The following ILDR1 variants were observed in gnomAD, a reference collection of about 807,000 sequenced individuals.
ILDR1 encodes the protein immunoglobulin-like domain-containing receptor 1.
A neutral mutation model predicts 62.4 loss-of-function variants in ILDR1; 56 were observed. The ratio of observed to expected loss-of-function variants is 0.90; its 90% CI spans 0.72 to 1.12. ILDR1 has a LOEUF of 1.12. ILDR1 is among the 50% of genes most tolerant of loss of function. ILDR1 has a pLI of 0.00. For missense variants in ILDR1, 736 were observed against 710.6 expected (o/e 1.04, Z -0.41); for synonymous variants, 284 against 277.8 (o/e 1.02, Z -0.22).
At chr3:122,022,894 C>T (rs2071883180), upstream of ILDR1, among the ~76,000 whole-genome samples, 2 of 150,846 alleles carry the variant, frequency 1.3e-5, no homozygotes, top group Admixed American at 1.3e-4. Flanking sequence ...GCCTGGGCGA[C>T]AGAGCGAAAC....
At chr3:122,032,205 A>T in the ILDR1 span, among the ~76,000 whole-genome samples, 1 of 152,124 alleles carries the variant, frequency 6.6e-6, no homozygotes, top group East Asian at 1.9e-4. Flanking sequence ...TCCTTTTAAC[A>T]TTTATATAAA....
the ILDR1 span, among the ~76,000 whole-genome samples, chr3:122,029,513 T>A: frequency 0.5 from 59,794 of 119,882 alleles, 13,025 homozygotes; most frequent in East Asian, 0.78. Flanking sequence ...CTAAAAAAAA[T>A]ATATATATAT....
chr3:122,013,774 G>T (rs576126356), intron 1 of ILDR1, among the ~76,000 whole-genome samples: 1 of 152,014 alleles, frequency 6.6e-6, no homozygotes, highest in Non-Finnish European at 1.5e-5. Context: ...GGTGGGGAGC[G>T]GAATGATGTC....
upstream of ILDR1, among the ~76,000 whole-genome samples, chr3:122,024,172 G>T (rs919138998): frequency 1.3e-5 from 2 of 152,088 alleles, no homozygotes; most frequent in Admixed American, 1.3e-4. Context: ...GTCAATTCAA[G>T]AAATGCTGGA....
At chr3:122,050,485 C>T in the ILDR1 span, among the ~76,000 whole-genome samples, 1 of 151,668 alleles carries the variant, frequency 6.6e-6, no homozygotes, top group African/African-American at 2.4e-5. Context: ...ATAGATATAA[C>T]TATCTTTTTA....
rs112291354 is a variant in ILDR1, at chr3:122,001,007, A to G, written c.646+301T>C. Among the ~76,000 whole-genome samples, 782 of 152,342 alleles carry G rather than the reference A, an allele frequency of 5.1e-3. 7 individuals carry two copies. The highest frequency in any genetic ancestry group is 0.018 in the African/African-American group (734 of 41,568). ...CTTATGTCTAAATGAGGTCAGTGCTAGGAATGAAGATCGAAGCACAGGTAC... is the reference window on the plus strand; with the variant it reads ...CTTATGTCTAAATGAGGTCAGTGCTGGGAATGAAGATCGAAGCACAGGTAC... On this transcript the variant is annotated intron_variant, in intron 5 of 7. Coordinates refer to ENST00000344209, the MANE Select transcript of ILDR1 (RefSeq NM_001199799.2).
intron 1 of ILDR1, among the ~76,000 whole-genome samples, chr3:122,018,044 A>G (rs1429063302): frequency 6.6e-6 from 1 of 152,252 alleles, no homozygotes; most frequent in Non-Finnish European, 1.5e-5. Flanking sequence ...ACTACTGGGC[A>G]TATATCCAAA....
intron 5 of ILDR1, among the ~76,000 whole-genome samples, chr3:121,998,348 C>T (rs564629168): frequency 6.6e-6 from 1 of 152,208 alleles, no homozygotes; most frequent in Non-Finnish European, 1.5e-5. Context: ...AACAATAACT[C>T]CTTACTCCTC....
In ILDR1 at chr3:121,993,293, C is replaced by T; in HGVS notation, c.1456G>A (p.Glu486Lys). The change falls in exon 7 of 8, where the codon GAG becomes AAG. Residue 486 changes from glutamate to lysine, a missense_variant. Glu to Lys is a moderately conservative substitution (Grantham distance 56, BLOSUM62 1). Coordinates refer to ENST00000344209, the MANE Select transcript of ILDR1 (RefSeq NM_001199799.2). The stretch of plus-strand genomic sequence containing the variant: ...GCCCGCCAGCTCTGGGGCTGCCTCT[C>T]CTTGTCCTCTTCAGAGCTCCAGGAA... ...LSSWSSEEDK[E>K]RQPQSWRAHR... 3 of 1,613,502 alleles carry T rather than the reference C, an allele frequency of 1.9e-6. No individual in the cohort carries two copies. Among genetic ancestry groups the T allele is most frequent in the Non-Finnish European group, 2.5e-6 (3 of 1,179,678 alleles).
chr3:122,007,028 G>T lies in ILDR1; in HGVS notation c.192C>A (p.Ser64=). ...QDVVVTWRFK[S]FCKDPIFDYY... is the part of the protein sequence containing the mutation. The stretch of plus-strand genomic sequence containing the variant: ...AGTCAAAGATAGGGTCCTTGCAGAA[G>T]GACTTGAAGCGCCATGTCACCACCA... Residue 64 remains serine, a synonymous_variant, in exon 2 of 8, where the codon TCC becomes TCA. Transcript: ENST00000344209. The T allele has an allele frequency of 6.2e-7, 1 of 1,613,618 alleles. No homozygotes were observed. The highest frequency in any genetic ancestry group is 8.5e-7 in the Non-Finnish European group (1 of 1,180,018).
the ILDR1 span, among the ~76,000 whole-genome samples, chr3:122,048,183 C>T: frequency 6.6e-6 from 1 of 151,960 alleles, no homozygotes; most frequent in Non-Finnish European, 1.5e-5. Flanking sequence ...TAAATTTTAC[C>T]AAGTATTTTT....
chr3:122,018,502 T>C (rs1281347536), intron 1 of ILDR1, among the ~76,000 whole-genome samples: 2 of 151,942 alleles, frequency 1.3e-5, no homozygotes, highest in Non-Finnish European at 2.9e-5. Context: ...GTAACAAAAG[T>C]GCACGTTCTG....
At chr3:122,010,247 T>C (rs963254720) in intron 1 of ILDR1, among the ~76,000 whole-genome samples, 1 of 151,952 alleles carries the variant, frequency 6.6e-6, no homozygotes, top group Non-Finnish European at 1.5e-5. Flanking sequence ...GCGGGGCTGG[T>C]GGTGGTGAGT....
Position 122,001,290 on chromosome 3 carries a change from T to G in ILDR1, c.646+18A>C. 6.2e-7 allele frequency: 1 copy of G among 1,614,080 alleles called. No homozygotes were observed. Among genetic ancestry groups the G allele is most frequent in the Non-Finnish European group, 8.5e-7 (1 of 1,179,996 alleles). On this transcript the variant is annotated intron_variant, in intron 5 of 7. Coordinates refer to ENST00000344209, the MANE Select transcript of ILDR1 (RefSeq NM_001199799.2). ...TCCCTAATCCACTCCATTCCACTGC[T>G]TGTCTGTCCCCTCTCACCTTCCTCA...
intron 1 of ILDR1, among the ~76,000 whole-genome samples, chr3:122,011,563 G>A (rs1053718076): frequency 1.3e-5 from 2 of 151,414 alleles, no homozygotes; most frequent in Admixed American, 6.6e-5. Context: ...TGGCCATCTT[G>A]AGCTCATTCA....
At chr3:122,055,849 C>T in the ILDR1 span, among the ~76,000 whole-genome samples, 5 of 151,602 alleles carry the variant, frequency 3.3e-5, no homozygotes, top group African/African-American at 9.7e-5. Context: ...TTTTGTCTAC[C>T]AGGGTCAGTT....
At chr3:122,048,938 T>C in the ILDR1 span, among the ~76,000 whole-genome samples, 1 of 152,188 alleles carries the variant, frequency 6.6e-6, no homozygotes, top group South Asian at 2.1e-4. Flanking sequence ...TACGCTTTAA[T>C]CATTATTTCC....
chr3:121,996,982 C>T (rs1027202994), intron 5 of ILDR1, among the ~76,000 whole-genome samples: 1 of 152,162 alleles, frequency 6.6e-6, no homozygotes, highest in Non-Finnish European at 1.5e-5. Context: ...CTCACTGCAA[C>T]CTTCGCCTCT....
the ILDR1 span, among the ~76,000 whole-genome samples, chr3:122,058,662 G>A: frequency 6.6e-6 from 1 of 152,128 alleles, no homozygotes; most frequent in Non-Finnish European, 1.5e-5. Flanking sequence ...GCCAGAACAA[G>A]GAGCCCACAG....
Sources: gnomAD v4.1 joint callset for allele counts (sites outside exome capture counted in the v4.1 genomes callset) on GRCh38, gnomAD v4.1.1 for gene constraint, MANE v1.5 for transcripts, NCBI Gene and HGNC (gene_info 2026-07-23, HGNC 2026-07-21) for gene names.